ZRANB3: variants seen among roughly 807,000 people sequenced by gnomAD.
The protein encoded by ZRANB3 is zinc finger RANBP2-type containing 3.
Under a neutral mutation model 133.8 loss-of-function variants are expected in ZRANB3, and 125 were observed. That is an observed-to-expected ratio of 0.93 (90% CI 0.81 to 1.08). The LOEUF is 1.08. Among genes scored for constraint, ZRANB3 ranks in the 50% least tolerant of loss-of-function variants. The pLI, the probability that ZRANB3 is intolerant of heterozygous loss-of-function variation, is 0.00. For missense variants in ZRANB3, 1,229 were observed against 1,275.5 expected, an observed-to-expected ratio of 0.96 and a Z score of 0.56; for synonymous variants, 387 against 432.7, an observed-to-expected ratio of 0.89 and a Z score of 1.31.
intron 2 of ZRANB3, among the ~76,000 whole-genome samples, chr2:135,498,563 A>G (rs996893553): frequency 1.3e-5 from 2 of 152,210 alleles, no homozygotes; most frequent in Non-Finnish European, 2.9e-5. Flanking sequence ...GGCACCTTGA[A>G]AAAAGAACAG....
At chr2:135,424,405 T>C (rs1688986813) in intron 2 of ZRANB3, among the ~76,000 whole-genome samples, 1 of 152,088 alleles carries the variant, frequency 6.6e-6, no homozygotes, top group Non-Finnish European at 1.5e-5. Flanking sequence ...TAAAAAAGAA[T>C]AAACATAATA....
At chr2:135,275,527 C>T (rs1573810466) in intron 9 of ZRANB3, 109 bp downstream of exon 9, 8 of 806,220 alleles carry the variant, frequency 9.9e-6, no homozygotes, top group East Asian at 9.9e-5. Flanking sequence ...ATTTATATAC[C>T]ATCATCTAAA....
At chr2:135,421,282 T>C (rs1393827166) in intron 2 of ZRANB3, among the ~76,000 whole-genome samples, 1 of 152,156 alleles carries the variant, frequency 6.6e-6, no homozygotes, top group African/African-American at 2.4e-5. Flanking sequence ...GCAAATACAA[T>C]GGATTGTCTT....
chr2:135,371,794 C>A (rs1686192388), intron 3 of ZRANB3, among the ~76,000 whole-genome samples: 1 of 152,100 alleles, frequency 6.6e-6, no homozygotes. Context: ...AAATCTCTAA[C>A]CCTGAATGTA....
chr2:135,465,066 T>C (rs1042255976), intron 2 of ZRANB3, among the ~76,000 whole-genome samples: 3 of 152,176 alleles, frequency 2.0e-5, no homozygotes, highest in Non-Finnish European at 4.4e-5. Context: ...ATCGAAGAAG[T>C]TGAGAAATGA....
intron 2 of ZRANB3, among the ~76,000 whole-genome samples, chr2:135,477,485 C>T (rs1691555920): frequency 6.6e-6 from 1 of 152,194 alleles, no homozygotes; most frequent in Non-Finnish European, 1.5e-5. Context: ...GGCCCCTCTT[C>T]CTTACCTCCA....
rs1034975893 is a variant in ZRANB3, at chr2:135,447,138, G to A, written c.162-56318C>T. Among the ~76,000 whole-genome samples the A allele has an allele frequency of 3.9e-5, 6 of 152,092 alleles. No individual in the cohort carries two copies. In the East Asian group the frequency reaches 7.7e-4, roughly 20 times the overall value. ...CAGCTCACTGCAACCTCCACCTCCC[G>A]GGTTCAAATGATTCTCCTGCCTCAT... On this transcript the variant is annotated intron_variant, in intron 2 of 20. Coordinates refer to ENST00000264159, the MANE Select transcript of ZRANB3 (RefSeq NM_032143.4).
At chr2:135,404,084 G>A (rs750832999) in intron 2 of ZRANB3, among the ~76,000 whole-genome samples, 25 of 152,166 alleles carry the variant, frequency 1.6e-4, no homozygotes, top group Non-Finnish European at 2.9e-4. Context: ...CACCAGCAAC[G>A]GAACAAAGCT....
chr2:135,346,138 C>G (rs1684911230), intron 5 of ZRANB3, among the ~76,000 whole-genome samples: 1 of 152,138 alleles, frequency 6.6e-6, no homozygotes, highest in African/African-American at 2.4e-5. Flanking sequence ...GCTCTGTCGC[C>G]CAGGCTGGAG....
At chr2:135,429,229 C>T (rs1689217646) in intron 2 of ZRANB3, among the ~76,000 whole-genome samples, 1 of 152,184 alleles carries the variant, frequency 6.6e-6, no homozygotes, top group Non-Finnish European at 1.5e-5. Context: ...ATCATGTACT[C>T]TGCAGCAACA....
At chr2:135,245,945 A>AAAAAAAAAAAAAAAAAAAAAAAAG (rs1437529464) in intron 12 of ZRANB3, among the ~76,000 whole-genome samples, 1 of 146,574 alleles carries the variant, frequency 6.8e-6, no homozygotes, top group Non-Finnish European at 1.5e-5. Flanking sequence ...AAAAAAAAAA[A>AAAAAAAAAAAAAAAAAAAAAAAAG]AAAGAGACAG....
At position 135,215,398 on chromosome 2, in the gene ZRANB3, C is replaced by T. The variant is rs187417962; in HGVS notation, c.2495+2067G>A. ...TCAGTCTCCAAAGTAGCTGGGACTA[C>T]AGGCACCACCATGCCTGGCTAATTT... On this transcript the variant is annotated intron_variant, in intron 17 of 20. Transcript: ENST00000264159. Among the ~76,000 whole-genome samples the T allele has an allele frequency of 2.3e-3, 343 of 152,246 alleles. 1 individual carries two copies. Among genetic ancestry groups the T allele is most frequent in the African/African-American group, 6.0e-3 (251 of 41,552 alleles).
chr2:135,403,316 T>C (rs1311366135), intron 2 of ZRANB3, among the ~76,000 whole-genome samples: 2 of 152,200 alleles, frequency 1.3e-5, no homozygotes, highest in East Asian at 3.9e-4. Context: ...ATCCCGCACC[T>C]GGCTCGGAGG....
intron 2 of ZRANB3, among the ~76,000 whole-genome samples, chr2:135,433,772 G>A (rs962397435): frequency 3.9e-5 from 6 of 152,182 alleles, no homozygotes; most frequent in African/African-American, 9.7e-5. Flanking sequence ...CGAGGCGAGC[G>A]GATCACGAGG....
At chr2:135,298,624 C>T (rs1452832674) in intron 8 of ZRANB3, among the ~76,000 whole-genome samples, 1 of 152,134 alleles carries the variant, frequency 6.6e-6, no homozygotes, top group Non-Finnish European at 1.5e-5. Context: ...AGCTACTGGC[C>T]TCTGGGCTGG....
intron 2 of ZRANB3, among the ~76,000 whole-genome samples, chr2:135,437,106 C>G (rs1215539398): frequency 6.6e-6 from 1 of 152,108 alleles, no homozygotes; most frequent in South Asian, 2.1e-4. Context: ...ATTACAGGTG[C>G]CCGCCACCAT....
At chr2:135,254,196 C>T (rs1679537762) in intron 12 of ZRANB3, among the ~76,000 whole-genome samples, 1 of 152,178 alleles carries the variant, frequency 6.6e-6, no homozygotes, top group African/African-American at 2.4e-5. Context: ...ATTGGACCTA[C>T]TGCCTCTGAA....
chr2:135,401,701 C>T (rs973561179), intron 2 of ZRANB3, among the ~76,000 whole-genome samples: 4 of 152,182 alleles, frequency 2.6e-5, no homozygotes, highest in African/African-American at 9.7e-5. Flanking sequence ...AAATCTGGAA[C>T]CGTAATAGCT....
chr2:135,507,092 C>A (rs1298521279), intron 1 of ZRANB3, among the ~76,000 whole-genome samples: 1 of 152,222 alleles, frequency 6.6e-6, no homozygotes, highest in Non-Finnish European at 1.5e-5. Context: ...TGAAAAGATT[C>A]ACGAAGTATA....
Sources: allele counts gnomAD v4.1 joint callset (sites outside exome capture counted in the v4.1 genomes callset), GRCh38; gene constraint gnomAD v4.1.1; transcripts MANE v1.5; gene names NCBI Gene and HGNC (gene_info 2026-07-23, HGNC 2026-07-21).